MRGPRE: variants seen among roughly 807,000 people sequenced by gnomAD.
The protein encoded by MRGPRE is mas-related G protein-coupled receptor member E.
For synonymous variants in MRGPRE, 229 were observed against 206.7 expected (o/e 1.11, Z -0.92); for missense variants, 466 against 433.4 (o/e 1.08, Z -0.67).
In MRGPRE at chr11:3,229,505, T is replaced by C. The variant is rs1234718560; in HGVS notation, c.-61-645A>G. Among the ~76,000 whole-genome samples the C allele has an allele frequency of 1.3e-5, 2 of 152,194 alleles. No individual in the cohort carries two copies. Among genetic ancestry groups the C allele is most frequent in the Admixed American group, 6.5e-5 (1 of 15,284 alleles). On this transcript the variant is annotated intron_variant, in intron 1 of 1. Coordinates refer to ENST00000389832, the MANE Select transcript of MRGPRE (RefSeq NM_001039165.4). This position sits in a 1 kb window ranked among gnomAD's most constrained non-coding sequence, Gnocchi z 4.4. ...CTCCCAAAGAATAAAATATGACTTA[T>C]TTTAAAGTCATAGGCAGAGCAGGAG...
In MRGPRE at chr11:3,231,340, G is replaced by T. The variant is rs12287448; in HGVS notation, c.-62+801C>A. Among the ~76,000 whole-genome samples, 1,746 of 152,006 alleles carry T rather than the reference G, an allele frequency of 0.011. 29 individuals carry two copies. Among genetic ancestry groups the T allele is most frequent in the African/African-American group, 0.04 (1,665 of 41,456 alleles). On this transcript the variant is annotated intron_variant, in intron 1 of 1. Coordinates refer to ENST00000389832, the MANE Select transcript of MRGPRE (RefSeq NM_001039165.4). This position sits in a 1 kb window ranked among gnomAD's most constrained non-coding sequence, Gnocchi z 4.7. Reference sequence around the variant, plus strand: ...AAGGAAACAGGGAGGAGAACAGGGGGACAAGGGGTTAGAGCCACGGAGCTC... The same window carrying T: ...AAGGAAACAGGGAGGAGAACAGGGGTACAAGGGGTTAGAGCCACGGAGCTC...
In MRGPRE at chr11:3,230,553, C is replaced by T. The variant is rs1037769436; in HGVS notation, c.-62+1588G>A. Among the ~76,000 whole-genome samples the T allele has an allele frequency of 1.1e-4, 16 of 151,844 alleles. No homozygotes were observed. Among genetic ancestry groups the T allele is most frequent in the East Asian group, 1.9e-4 (1 of 5,142 alleles). Reference sequence around the variant, plus strand: ...CCCGTGAGGTGCTGGTCATCTCCCTCGGCTTACACCCTCAGCTCTGTGGTC... The same window carrying T: ...CCCGTGAGGTGCTGGTCATCTCCCTTGGCTTACACCCTCAGCTCTGTGGTC... On this transcript the variant is annotated intron_variant, in intron 1 of 1. Transcript: ENST00000389832. The surrounding 1 kb of genome is among the most constrained non-coding windows in gnomAD (Gnocchi z 5.5).
chr11:3,228,042 A>G lies in MRGPRE; in HGVS notation c.758T>C (p.Phe253Ser). 1 of 1,609,172 alleles carries G rather than the reference A, an allele frequency of 6.2e-7. No individual in the cohort carries two copies. Among genetic ancestry groups the G allele is most frequent in the East Asian group, 2.2e-5 (1 of 44,700 alleles). ...GTGCACGGCGGCCATGAGGAAGCTG[A>G]AGTGGTAGAAGTAGTGGGGGATGTA... ...LWYIPHYFYH[F>S]SFLMAAVHCA... Residue 253 changes from phenylalanine to serine, a missense_variant, in exon 2 of 2, where the codon TTC becomes TCC. Coordinates refer to ENST00000389832, the MANE Select transcript of MRGPRE (RefSeq NM_001039165.4).
At position 3,228,390 on chromosome 11, in the gene MRGPRE, C is replaced by T. The variant is rs767390075; in HGVS notation, c.410G>A (p.Arg137His). The change falls in exon 2 of 2, where the codon CGC becomes CAC. Residue 137 changes from arginine (R) to histidine (H), a missense_variant. By Grantham distance (29) the Arg-to-His change is conservative (BLOSUM62 0). Transcript: ENST00000389832. ...GGCGCACACACAGGTGGTCAGGTGG[C>T]GTGGGCGGCGGCACGAGTACCAGGC... ...FPAWYSCRRP[R>H]HLTTCVCALT... 2.3e-5 allele frequency: 37 copies of T among 1,595,780 alleles called. No homozygotes were observed. The highest frequency in any genetic ancestry group is 4.0e-5 in the African/African-American group (3 of 74,560).
rs763651141 is a variant in MRGPRE at position 3,228,069 on chromosome 11, C to G, written c.731G>C (p.Trp244Ser). The G allele has an allele frequency of 2.5e-6, 4 of 1,607,826 alleles. No individual in the cohort carries two copies. Among genetic ancestry groups the G allele is most frequent in the Non-Finnish European group, 2.5e-6 (3 of 1,177,542 alleles). Residue 244 changes from tryptophan to serine, a missense_variant, in exon 2 of 2, where the codon TGG (tryptophan) becomes TCG (serine). Trp to Ser is a radical substitution (Grantham distance 177). Coordinates refer to ENST00000389832, the MANE Select transcript of MRGPRE (RefSeq NM_001039165.4). ...GTGGTAGAAGTAGTGGGGGATGTAC[C>G]AGAGCAGGTTCCGGGACAGCCAGTA... ...GIYWLSRNLLWYIPHYFYHFS... is the reference protein window; with the variant it reads ...GIYWLSRNLLSYIPHYFYHFS...
rs1355916754 is a variant in MRGPRE at position 3,226,587 on chromosome 11, C to T, written c.*1274G>A. Among the ~76,000 whole-genome samples the T allele has an allele frequency of 4.6e-5, 7 of 152,294 alleles. No individual in the cohort carries two copies. The highest frequency in any genetic ancestry group is 7.4e-5 in the Non-Finnish European group (5 of 68,020). ...TTCCAGGGTGCTGACCAGGGATCTG[C>T]GACTCACACCCAGACTCAAGAGGGG... On this transcript the variant is annotated 3_prime_UTR_variant, in exon 2 of 2. Transcript: ENST00000389832.
rs1028707240 is a variant in MRGPRE at position 3,231,558 on chromosome 11, GAGA to G, written c.-62+580_-62+582del. On this transcript the variant is annotated intron_variant, in intron 1 of 1. Coordinates refer to ENST00000389832, the MANE Select transcript of MRGPRE (RefSeq NM_001039165.4). The surrounding 1 kb of genome is among the most constrained non-coding windows in gnomAD (Gnocchi z 4.7). Reference sequence around the variant, plus strand: ...TGAGCAGGAGGAAGAGGAGAGGGAGGAGAAGGAGGGGAGGAGGCGGGGGAGGAC... The same window carrying G: ...TGAGCAGGAGGAAGAGGAGAGGGAGGAGGAGGGGAGGAGGCGGGGGAGGAC... Among the ~76,000 whole-genome samples, 1 of 148,232 alleles carries G rather than the reference GAGA, an allele frequency of 6.7e-6. No individual in the cohort carries two copies. Among genetic ancestry groups the G allele is most frequent in the African/African-American group, 2.5e-5 (1 of 40,388 alleles).
In MRGPRE at chr11:3,232,178, T is replaced by A. The variant is rs1246100209; in HGVS notation, c.-99A>T. The A allele has an allele frequency of 6.6e-6, 1 of 152,468 alleles. No homozygotes were observed. Among genetic ancestry groups the A allele is most frequent in the Non-Finnish European group, 1.5e-5 (1 of 68,240 alleles). The allele number at this position is 152,468 out of a possible 1,614,324, so 9.4% of individuals were successfully genotyped here. On this transcript the variant is annotated 5_prime_UTR_variant, in exon 1 of 2. Coordinates refer to ENST00000389832, the MANE Select transcript of MRGPRE (RefSeq NM_001039165.4). ...AGGACTGGCCGAGCCCTGCCTGCTC[T>A]GACCCTGGGCCTTGGATCTATCCTG...
In MRGPRE at chr11:3,230,242, G is replaced by A. The variant is rs1440369713; in HGVS notation, c.-61-1382C>T. The stretch of plus-strand genomic sequence containing the variant: ...CCTTGCCTCTCCCCAGAGACTGGCT[G>A]GGGTCAGGGGCCGACACCAGGTGCC... On this transcript the variant is annotated intron_variant, in intron 1 of 1. Transcript: ENST00000389832. The surrounding 1 kb of genome is among the most constrained non-coding windows in gnomAD (Gnocchi z 5.5). Among the ~76,000 whole-genome samples the A allele has an allele frequency of 6.6e-6, 1 of 152,052 alleles. No individual in the cohort carries two copies. Among genetic ancestry groups the A allele is most frequent in the Non-Finnish European group, 1.5e-5 (1 of 67,994 alleles).
In MRGPRE at chr11:3,227,055, T is replaced by C. The variant is rs1847768384; in HGVS notation, c.*806A>G. On this transcript the variant is annotated 3_prime_UTR_variant, in exon 2 of 2. Transcript: ENST00000389832. ...TCAGAGGGATCCTCTGGAGCGGGAC[T>C]TGCTCAGGACAGAGGCGGGTGAACT... is the stretch of plus-strand genomic sequence containing the variant. Among the ~76,000 whole-genome samples the C allele has an allele frequency of 6.6e-6, 1 of 152,172 alleles. No homozygotes were observed. The highest frequency in any genetic ancestry group is 2.4e-5 in the African/African-American group (1 of 41,442).
rs115626753 is a variant in MRGPRE at position 3,231,254 on chromosome 11, G to C, written c.-62+887C>G. Among the ~76,000 whole-genome samples, 337 of 152,188 alleles carry C rather than the reference G, an allele frequency of 2.2e-3. 2 individuals carry two copies. Among genetic ancestry groups the C allele is most frequent in the African/African-American group, 7.6e-3 (315 of 41,526 alleles). On this transcript the variant is annotated intron_variant, in intron 1 of 1. Transcript: ENST00000389832. This position sits in a 1 kb window ranked among gnomAD's most constrained non-coding sequence, Gnocchi z 4.7. The stretch of plus-strand genomic sequence containing the variant: ...GAGAGAGCATGGCAGGGAAGCGATG[G>C]ACATAGAGGGAGAGGGGAGAGTGCA...
In MRGPRE at chr11:3,228,497, C is replaced by A; in HGVS notation, c.303G>T (p.Thr101=). Residue 101 remains threonine (T), a synonymous_variant, in exon 2 of 2, where the codon ACG becomes ACT. Transcript: ENST00000389832. The stretch of plus-strand genomic sequence containing the variant: ...CCACGATGTAGCAGAAGAAGCGCAG[C>A]GTTGCCAGGCTGGTCTGCACGAAGC... ...FPGFVQTSLA[T]LRFFCYIVGL... 6.2e-7 allele frequency: 1 copy of A among 1,613,656 alleles called. No homozygotes were observed. Among genetic ancestry groups the A allele is most frequent in the Non-Finnish European group, 8.5e-7 (1 of 1,179,992 alleles).
In MRGPRE at chr11:3,229,555, T is replaced by G. The variant is rs1847807731; in HGVS notation, c.-61-695A>C. ...GGCACCGCCCATGTCTAATGAGTGGTGTGACCACAGAGGGACAGCTTACAG... is the reference window on the plus strand; with the variant it reads ...GGCACCGCCCATGTCTAATGAGTGGGGTGACCACAGAGGGACAGCTTACAG... On this transcript the variant is annotated intron_variant, in intron 1 of 1. Transcript: ENST00000389832. This position sits in a 1 kb window ranked among gnomAD's most constrained non-coding sequence, Gnocchi z 4.4. 6.6e-6 allele frequency among the ~76,000 whole-genome samples: 1 copy of G among 152,210 alleles called. No homozygotes were observed. The highest frequency in any genetic ancestry group is 2.4e-5 in the African/African-American group (1 of 41,454).
In MRGPRE at chr11:3,228,181, G is replaced by A; in HGVS notation, c.619C>T (p.Pro207Ser). The A allele has an allele frequency of 1.3e-6, 2 of 1,564,782 alleles. No homozygotes were observed. The highest frequency in any genetic ancestry group is 1.7e-6 in the Non-Finnish European group (2 of 1,154,874). The change falls in exon 2 of 2, where the codon CCC becomes TCC. Residue 207 changes from proline (P) to serine (S), a missense_variant. Pro to Ser is a moderately conservative substitution (Grantham distance 74). Coordinates refer to ENST00000389832, the MANE Select transcript of MRGPRE (RefSeq NM_001039165.4). ...LMLLLRVERG[P>S]QRPPPRGFPG... is the part of the protein sequence containing the mutation. ...AAGCCCCGGGGTGGGGGCCGCTGGG[G>A]GCCTCGCTCCACCCGCAGCAGCAGC...
chr11:3,228,165 G>GT lies in MRGPRE; in HGVS notation c.634_635insA (p.Pro212HisfsTer84). The GT allele has an allele frequency of 1.3e-6, 2 of 1,570,964 alleles. No individual in the cohort carries two copies. The highest frequency in any genetic ancestry group is 2.7e-5 in the African/African-American group (2 of 74,584). ...GAGGATGAGCCCAGGGAAGCCCCGG[G>GT]GTGGGGGCCGCTGGGGGCCTCGCTC... is the stretch of plus-strand genomic sequence containing the variant. On this transcript the variant is annotated frameshift_variant, in exon 2 of 2. Transcript: ENST00000389832. LOFTEE classifies it low-confidence loss of function (END_TRUNC).
rs1847766285 is a variant in MRGPRE at position 3,226,803 on chromosome 11, C to T, written c.*1058G>A. Among the ~76,000 whole-genome samples the T allele has an allele frequency of 6.6e-6, 1 of 152,194 alleles. No individual in the cohort carries two copies. Among genetic ancestry groups the T allele is most frequent in the Non-Finnish European group, 1.5e-5 (1 of 68,034 alleles). On this transcript the variant is annotated 3_prime_UTR_variant, in exon 2 of 2. Transcript: ENST00000389832. ...TTGGGCTCACGAGAGGCTGGACAGG[C>T]CTCAAAGCACTGGGTTCTCATATTT...
In MRGPRE at chr11:3,227,720, C is replaced by T; in HGVS notation, c.*141G>A. On this transcript the variant is annotated 3_prime_UTR_variant, in exon 2 of 2. Transcript: ENST00000389832. Reference sequence around the variant, plus strand: ...GAGCCTCATGCTCCAGACCAAGGGTCACAACTTTGACAGCACATGACCGGG... The same window carrying T: ...GAGCCTCATGCTCCAGACCAAGGGTTACAACTTTGACAGCACATGACCGGG... 1 of 658,728 alleles carries T rather than the reference C, an allele frequency of 1.5e-6. No individual in the cohort carries two copies. Among genetic ancestry groups the T allele is most frequent in the Non-Finnish European group, 2.4e-6 (1 of 420,034 alleles). 40.8% of individuals were successfully genotyped at this position (658,728 alleles called of 1,614,324 possible).
In MRGPRE at chr11:3,228,424, G is replaced by A. The variant is rs1191038485; in HGVS notation, c.376C>T (p.Leu126Phe). The A allele has an allele frequency of 1.9e-6, 3 of 1,609,210 alleles. No homozygotes were observed. The highest frequency in any genetic ancestry group is 2.5e-6 in the Non-Finnish European group (3 of 1,178,928). Residue 126 changes from leucine to phenylalanine, a missense_variant, in exon 2 of 2, where the codon CTC becomes TTC. Leu to Phe is a conservative substitution (Grantham distance 22). Transcript: ENST00000389832. ...CGGCACGAGTACCAGGCTGGGAAGAGGGCGGCCAGGCACTGCTCCACGCTG... is the reference window on the plus strand; with the variant it reads ...CGGCACGAGTACCAGGCTGGGAAGAAGGCGGCCAGGCACTGCTCCACGCTG... The part of the protein sequence containing the change: ...AVSVEQCLAA[L>F]FPAWYSCRRP...
Position 3,227,353 on chromosome 11 carries a change from G to A in MRGPRE, c.*508C>T, listed in dbSNP as rs1847773489. Among the ~76,000 whole-genome samples the A allele has an allele frequency of 6.6e-6, 1 of 152,150 alleles. No individual in the cohort carries two copies. Among genetic ancestry groups the A allele is most frequent in the African/African-American group, 2.4e-5 (1 of 41,434 alleles). On this transcript the variant is annotated 3_prime_UTR_variant, in exon 2 of 2. Transcript: ENST00000389832. The stretch of plus-strand genomic sequence containing the variant: ...AGTTTTGGGCAGTCTTCCATTTTAG[G>A]GTCAATTTAGCTTCCACAGCGGGCA...
Sources: allele counts gnomAD v4.1 joint callset (sites outside exome capture counted in the v4.1 genomes callset), GRCh38; gene constraint gnomAD v4.1.1; non-coding constraint Gnocchi (gnomAD v3.1); transcripts MANE v1.5; gene names NCBI Gene and HGNC (gene_info 2026-07-23, HGNC 2026-07-21).